The following NTNG1 variants were observed in gnomAD, a reference collection of about 807,000 sequenced individuals.
NTNG1 encodes netrin G1, also known as netrin-G1.
Under a neutral mutation model 54.0 loss-of-function variants are expected in NTNG1, and 16 were observed. The observed-to-expected ratio is 0.30, with a 90% CI of 0.20 to 0.45. NTNG1 has a LOEUF of 0.45. Among genes scored for constraint, NTNG1 ranks in the 20% least tolerant of loss-of-function variants. The pLI is 1.00. For synonymous variants in NTNG1, 255 were observed against 263.1 expected, an observed-to-expected ratio of 0.97 and a Z score of 0.30; for missense variants, 530 against 678.7, an observed-to-expected ratio of 0.78 and a Z score of 2.43.
At chr1:107,395,879 C>A (rs934543730) in intron 4 of NTNG1, among the ~76,000 whole-genome samples, 11 of 152,110 alleles carry the variant, frequency 7.2e-5, no homozygotes, top group African/African-American at 2.4e-4. Flanking sequence ...TGTGTAGAGG[C>A]CCCCTTTGGA....
chr1:107,453,681 G>A (rs1558011131), intron 7 of NTNG1, among the ~76,000 whole-genome samples: 1 of 152,198 alleles, frequency 6.6e-6, no homozygotes, highest in Non-Finnish European at 1.5e-5. Context: ...ATGTAGGGAA[G>A]TGGGCTAGAC....
chr1:107,381,932 A>C (rs1282756660), intron 3 of NTNG1, among the ~76,000 whole-genome samples: 1 of 152,192 alleles, frequency 6.6e-6, no homozygotes, highest in Admixed American at 6.5e-5. Context: ...CAGTATTGTA[A>C]TTAAAAGGAC....
intron 2 of NTNG1, among the ~76,000 whole-genome samples, chr1:107,216,219 T>C (rs984469618): frequency 6.6e-6 from 1 of 152,174 alleles, no homozygotes; most frequent in African/African-American, 2.4e-5. Flanking sequence ...ATCCTTGTCT[T>C]ATTCCAGTTC....
intron 2 of NTNG1, among the ~76,000 whole-genome samples, chr1:107,241,793 CA>C (rs1054547566): frequency 2.0e-5 from 3 of 151,694 alleles, no homozygotes; most frequent in Non-Finnish European, 2.9e-5. Flanking sequence ...TATTTTAGGG[CA>C]AAAAAAGTCG....
rs181540267 is a variant in NTNG1 at position 107,166,382 on chromosome 1, C to T, written c.246+17543C>T. On this transcript the variant is annotated intron_variant, in intron 2 of 7. Coordinates refer to ENST00000370068, the MANE Select transcript of NTNG1 (RefSeq NM_001113226.3). Reference sequence around the variant, plus strand: ...ATCCTGCTCAGCTCTCCTTGTGTTTCCCAATACATAATATACTACCATCGT... The same window carrying T: ...ATCCTGCTCAGCTCTCCTTGTGTTTTCCAATACATAATATACTACCATCGT... Among the ~76,000 whole-genome samples, 27 of 152,250 alleles carry T rather than the reference C, an allele frequency of 1.8e-4. No homozygotes were observed. In the East Asian group the frequency reaches 4.6e-3, roughly 26 times the overall value.
intron 2 of NTNG1, among the ~76,000 whole-genome samples, chr1:107,301,608 A>T (rs1042249296): frequency 6.6e-6 from 1 of 152,302 alleles, no homozygotes; most frequent in East Asian, 1.9e-4. Flanking sequence ...AAGAAATTTT[A>T]AAGGATGAGA....
intron 7 of NTNG1, among the ~76,000 whole-genome samples, chr1:107,461,080 G>C (rs940639208): frequency 1.3e-5 from 2 of 152,160 alleles, no homozygotes; most frequent in African/African-American, 4.8e-5. Flanking sequence ...TTCAATACAT[G>C]TGTAAAAAGC....
intron 4 of NTNG1, 191 bp downstream of exon 4, chr1:107,395,517 A>G (rs1179514330): frequency 4.0e-6 from 3 of 751,084 alleles, no homozygotes; most frequent in Non-Finnish European, 4.9e-6. Flanking sequence ...AGTAAAATTC[A>G]GTCATCTAAC....
chr1:107,419,995 A>G (rs780387284), intron 5 of NTNG1, among the ~76,000 whole-genome samples: 6 of 152,060 alleles, frequency 3.9e-5, no homozygotes, highest in Non-Finnish European at 7.4e-5. Context: ...GAAGAGGTTT[A>G]GTGGCTTTAT....
intron 2 of NTNG1, among the ~76,000 whole-genome samples, chr1:107,232,933 G>A (rs1159391736): frequency 6.6e-6 from 1 of 152,138 alleles, no homozygotes; most frequent in African/African-American, 2.4e-5. Flanking sequence ...TTTTATTTAG[G>A]ATAAGGTTTA....
At chr1:107,406,413 T>A (rs1673421135) in intron 4 of NTNG1, among the ~76,000 whole-genome samples, 1 of 152,142 alleles carries the variant, frequency 6.6e-6, no homozygotes, top group Non-Finnish European at 1.5e-5. Context: ...GCACACCATG[T>A]GTCAGACATT....
chr1:107,159,289 T>C (rs1291287349), intron 2 of NTNG1, among the ~76,000 whole-genome samples: 1 of 152,208 alleles, frequency 6.6e-6, no homozygotes, highest in Non-Finnish European at 1.5e-5. Flanking sequence ...ATGTGGCTAC[T>C]ATCTGGCTCA....
intron 3 of NTNG1, among the ~76,000 whole-genome samples, chr1:107,327,885 G>T (rs899942477): frequency 2.6e-5 from 4 of 151,938 alleles, no homozygotes; most frequent in African/African-American, 9.7e-5. Context: ...CCAATTCTCC[G>T]TTTCTTTGTG....
chr1:107,299,055 T>G (rs1570618746), intron 2 of NTNG1, among the ~76,000 whole-genome samples: 1 of 152,090 alleles, frequency 6.6e-6, no homozygotes, highest in African/African-American at 2.4e-5. Flanking sequence ...TCTTGGAAAG[T>G]TTTTGAAATT....
At chr1:107,257,607 A>G (rs926015442) in intron 2 of NTNG1, among the ~76,000 whole-genome samples, 7 of 152,090 alleles carry the variant, frequency 4.6e-5, no homozygotes, top group Non-Finnish European at 1.0e-4. Flanking sequence ...GATTGTGAAT[A>G]TATCCAAAAA....
At chr1:107,144,543 A>G (rs1207500559) in intron 1 of NTNG1, among the ~76,000 whole-genome samples, 3 of 152,096 alleles carry the variant, frequency 2.0e-5, no homozygotes, top group African/African-American at 4.8e-5. Context: ...TGCCTGTAAT[A>G]TTAACCATTA....
At chr1:107,454,277 A>G (rs1676796960) in intron 7 of NTNG1, among the ~76,000 whole-genome samples, 1 of 152,220 alleles carries the variant, frequency 6.6e-6, no homozygotes, top group Non-Finnish European at 1.5e-5. Flanking sequence ...ATGTTTGTTC[A>G]CTGCCCTCTG....
At chr1:107,413,553 A>G (rs2101184986) in intron 5 of NTNG1, among the ~76,000 whole-genome samples, 1 of 152,270 alleles carries the variant, frequency 6.6e-6, no homozygotes, top group Non-Finnish European at 1.5e-5. Context: ...TCCACCAGAT[A>G]GTTTCCTCAT....
intron 2 of NTNG1, among the ~76,000 whole-genome samples, chr1:107,238,902 G>GT: frequency 6.6e-6 from 1 of 150,718 alleles, no homozygotes; most frequent in East Asian, 2.0e-4. Context: ...TTGTATTAAG[G>GT]TAAAAAAAAA....
Sources: gnomAD v4.1 joint callset for allele counts (sites outside exome capture counted in the v4.1 genomes callset) on GRCh38, gnomAD v4.1.1 for gene constraint, MANE v1.5 for transcripts, NCBI Gene and HGNC (gene_info 2026-07-23, HGNC 2026-07-21) for gene names.